SUN1: variants seen among roughly 807,000 people sequenced by gnomAD.
SUN1 encodes the protein Sad1 and UNC84 domain containing 1, also known as SUN domain-containing protein 1.
Under a neutral mutation model 103.2 loss-of-function variants are expected in SUN1, and 61 were observed. The ratio of observed to expected loss-of-function variants is 0.59; its 90% CI spans 0.48 to 0.73. SUN1 has a LOEUF of 0.73. Among genes scored for constraint, SUN1 ranks in the 30% least tolerant of loss-of-function variants. The pLI is 0.00. For synonymous variants in SUN1, 490 were observed against 425.7 expected (o/e 1.15, Z -1.86); for missense variants, 1,052 against 1,034.6 (o/e 1.02, Z -0.23).
At chr7:853,034 C>T in intron 9 of SUN1, 82 bp downstream of exon 9, 3 of 1,502,384 alleles carry the variant, frequency 2.0e-6, no homozygotes, top group Non-Finnish European at 2.7e-6. Context: ...GAGCCAGGCA[C>T]TTCAGTTGGG....
At chr7:850,962 T>C (rs1455324229) in intron 5 of SUN1, among the ~76,000 whole-genome samples, 1 of 152,204 alleles carries the variant, frequency 6.6e-6, no homozygotes, top group East Asian at 1.9e-4. Flanking sequence ...TGGTCTTAAT[T>C]ATTTCCTCGC....
At chr7:828,240 ATGTTTTTGTTTT>A (rs199556096), upstream of SUN1, among the ~76,000 whole-genome samples, 1 of 149,896 alleles carries the variant, frequency 6.7e-6, no homozygotes, top group African/African-American at 2.5e-5. Flanking sequence ...ATATATATGT[ATGTTTTTGTTTT>A]TGTTTTTGTT....
At chr7:830,869 G>A, upstream of SUN1, 2 of 857,016 alleles carry the variant, frequency 2.3e-6, no homozygotes, top group South Asian at 5.3e-5. Flanking sequence ...TTGCTCGGCA[G>A]TGCAGGCAGA....
chr7:864,721 C>T (rs940594917), intron 15 of SUN1, among the ~76,000 whole-genome samples: 3 of 28,086 alleles, frequency 1.1e-4, no homozygotes, highest in African/African-American at 2.2e-4. Flanking sequence ...CTCTGCCTCC[C>T]GGCTTCAAGC....
intron 1 of SUN1, among the ~76,000 whole-genome samples, chr7:817,840 T>C (rs1282666118): frequency 1.3e-5 from 2 of 152,188 alleles, no homozygotes; most frequent in Non-Finnish European, 1.5e-5. Flanking sequence ...TTCTGACTGT[T>C]CTGGAAATAC....
At position 873,629 on chromosome 7, in the gene SUN1, G is replaced by A. The variant is rs527305663; in HGVS notation, c.*298G>A. On this transcript the variant is annotated 3_prime_UTR_variant, in exon 19 of 19. Transcript: ENST00000401592. ...TTTGCATTTGCATTTCCTCAACAAA[G>A]GAGCAAAGCAGAGGAAGCTGAGAGT... The A allele has an allele frequency of 4.0e-5, 12 of 298,486 alleles. No homozygotes were observed. The South Asian group carries it at 7.4e-4, about 18-fold the overall frequency. The allele number at this position is 298,486 out of a possible 1,614,324, so 18.5% of individuals were successfully genotyped here. A position where few individuals can be genotyped will look rare whatever the true frequency, so the allele number is the denominator to read the frequency against.
At position 852,933 on chromosome 7, in the gene SUN1, G is replaced by T. The variant is rs368549213; in HGVS notation, c.1034G>T (p.Arg345Leu). The change falls in exon 9 of 19, where the codon CGC becomes CTC. Residue 345 changes from arginine (R) to leucine (L), a missense_variant. Arg to Leu is a moderately radical substitution (Grantham distance 102). Transcript: ENST00000401592. ...GACGTGTTTAAACCCACGACTTCTC[G>T]CCTGAAGCAGCCTCTGCAGGTAAGA... ...PQDVFKPTTS[R>L]LKQPLQGDSE... The T allele has an allele frequency of 3.1e-6, 5 of 1,613,016 alleles. No individual in the cohort carries two copies. The highest frequency in any genetic ancestry group is 1.3e-5 in the African/African-American group (1 of 74,868).
chr7:849,697 G>A (rs773991410), intron 5 of SUN1: 21 of 1,346,302 alleles, frequency 1.6e-5, no homozygotes, highest in Non-Finnish European at 1.9e-5. Flanking sequence ...TGAACGGCCC[G>A]TGTGACATGG....
intron 15 of SUN1, among the ~76,000 whole-genome samples, chr7:865,015 A>C (rs1002489876): frequency 2.0e-4 from 30 of 151,342 alleles, no homozygotes; most frequent in Non-Finnish European, 3.2e-4. Flanking sequence ...CCACCCTTCT[A>C]CCCTCTCTGT....
intron 5 of SUN1, chr7:850,287 C>T: frequency 2.3e-6 from 1 of 442,008 alleles, no homozygotes. Flanking sequence ...CAGCCTCCAC[C>T]TCCAGAGTTC....
At chr7:872,609 T>C in intron 18 of SUN1, 47 bp downstream of exon 18, 1 of 1,467,388 alleles carries the variant, frequency 6.8e-7, no homozygotes. Context: ...GTCCCACAAC[T>C]TCTCGTGACA....
At chr7:866,091 GCTGCTCCT>G (rs1290039808) in intron 16 of SUN1, 24 bp downstream of exon 16, 22 of 1,599,500 alleles carry the variant, frequency 1.4e-5, no homozygotes, top group Non-Finnish European at 1.9e-5. Context: ...GGTGGCCGGA[GCTGCTCCT>G]CTTCAGCATG....
Position 848,372 on chromosome 7 carries a change from T to C in SUN1, c.659-3012T>C, listed in dbSNP as rs762661413. ...TACCTGACTTATCAGGAAGTAGATA[T>C]TGGCTTTATGGGAAGAAATAACGCA... On this transcript the variant is annotated intron_variant, in intron 5 of 18. Transcript: ENST00000401592. 69 of 1,327,964 alleles carry C rather than the reference T, an allele frequency of 5.2e-5. No individual in the cohort carries two copies. The Admixed American group carries it at 1.4e-3, about 27-fold the overall frequency. 82.3% of individuals were successfully genotyped at this position (1,327,964 alleles called of 1,614,324 possible). A position where few individuals can be genotyped will look rare whatever the true frequency, so the allele number is the denominator to read the frequency against.
intron 12 of SUN1, among the ~76,000 whole-genome samples, chr7:857,073 C>G (rs185630489): frequency 6.6e-6 from 1 of 152,314 alleles, no homozygotes; most frequent in East Asian, 1.9e-4. Context: ...GGGGTGCTTG[C>G]CTCTCACAGG....
At chr7:869,644 T>C (rs1196695007) in intron 17 of SUN1, 128 bp downstream of exon 17, 10 of 1,146,078 alleles carry the variant, frequency 8.7e-6, no homozygotes, top group Non-Finnish European at 9.7e-6. Flanking sequence ...TCAGATTCGG[T>C]GTTGAGGGGA....
intron 15 of SUN1, among the ~76,000 whole-genome samples, chr7:863,676 GTAATTGGT>G (rs1266389859): frequency 2.6e-5 from 4 of 152,170 alleles, no homozygotes; most frequent in Admixed American, 6.5e-5. Context: ...CCTTTTCACT[GTAATTGGT>G]AATTATTGTG....
At chr7:840,514 T>C (rs1023910857) in intron 2 of SUN1, among the ~76,000 whole-genome samples, 1 of 152,260 alleles carries the variant, frequency 6.6e-6, no homozygotes, top group African/African-American at 2.4e-5. Flanking sequence ...GGGAGGATCT[T>C]GTTCATCGTC....
At chr7:831,970 G>A (rs781449645), upstream of SUN1, 4 of 897,826 alleles carry the variant, frequency 4.5e-6, no homozygotes, top group Non-Finnish European at 5.3e-6. Context: ...TTTTTGGTGA[G>A]GAAAAAAGTG....
intron 5 of SUN1, among the ~76,000 whole-genome samples, chr7:846,007 C>T (rs1180788636): frequency 6.6e-6 from 1 of 152,176 alleles, no homozygotes; most frequent in African/African-American, 2.4e-5. Context: ...CTTTGTCTTT[C>T]CTGAAATGCC....
Sources: gnomAD v4.1 joint callset for allele counts (sites outside exome capture counted in the v4.1 genomes callset) on GRCh38, gnomAD v4.1.1 for gene constraint, MANE v1.5 for transcripts, NCBI Gene and HGNC (gene_info 2026-07-23, HGNC 2026-07-21) for gene names.